NFIB: variants seen among roughly 807,000 people sequenced by gnomAD.
The protein encoded by NFIB is nuclear factor I B.
In NFIB, 11 loss-of-function variants were observed where a neutral mutation model predicts 61.5. That is an observed-to-expected ratio of 0.18 (90% CI 0.11 to 0.30). NFIB has a LOEUF of 0.30. Among genes scored for constraint, NFIB ranks in the 10% least tolerant of loss-of-function variants. NFIB has a pLI of 1.00. For synonymous variants in NFIB, 260 were observed against 216.5 expected, an observed-to-expected ratio of 1.20 and a Z score of -1.76; for missense variants, 471 against 608.9, an observed-to-expected ratio of 0.77 and a Z score of 2.38.
chr9:14,267,349 C>T (rs997099386), intron 2 of NFIB, among the ~76,000 whole-genome samples: 5 of 152,148 alleles, frequency 3.3e-5, no homozygotes, highest in Non-Finnish European at 5.9e-5. Context: ...CAAAATGCTT[C>T]TTATAGATAG....
the NFIB span, among the ~76,000 whole-genome samples, chr9:14,471,532 T>C: frequency 1.3e-5 from 2 of 152,248 alleles, no homozygotes; most frequent in Non-Finnish European, 2.9e-5. Context: ...ACCAAGTTAG[T>C]AGAAGACTGC....
intron 2 of NFIB, among the ~76,000 whole-genome samples, chr9:14,236,801 G>A (rs1296616416): frequency 6.6e-6 from 1 of 151,736 alleles, no homozygotes; most frequent in East Asian, 1.9e-4. Flanking sequence ...GTAAACACAT[G>A]CTGATTAGCA....
intron 2 of NFIB, among the ~76,000 whole-genome samples, chr9:14,229,485 A>G (rs2052852979): frequency 1.3e-5 from 2 of 152,238 alleles, no homozygotes; most frequent in African/African-American, 2.4e-5. Context: ...TGGAATTAAA[A>G]AGGCCTGGCT....
chr9:14,306,498 T>C (rs1480035071), intron 2 of NFIB, among the ~76,000 whole-genome samples: 1 of 152,210 alleles, frequency 6.6e-6, no homozygotes, highest in Admixed American at 6.5e-5. Context: ...ACATTAGTTC[T>C]ATTTTCAGTG....
At chr9:14,308,893 T>C (rs1417695213) in intron 1 of NFIB, among the ~76,000 whole-genome samples, 3 of 152,218 alleles carry the variant, frequency 2.0e-5, no homozygotes, top group African/African-American at 7.2e-5. Context: ...GTCAGTTTCG[T>C]TACTTCCTGA....
At chr9:14,224,277 C>T (rs566434151) in intron 2 of NFIB, among the ~76,000 whole-genome samples, 294 of 152,316 alleles carry the variant, frequency 1.9e-3, no homozygotes, top group Non-Finnish European at 3.2e-3. Flanking sequence ...TCAGTTTCCA[C>T]ATGATGTTCT....
chr9:14,507,672 T>C, the NFIB span, among the ~76,000 whole-genome samples: 90 of 152,316 alleles, frequency 5.9e-4, no homozygotes, highest in African/African-American at 2.0e-3. Context: ...ATCTTCTCCA[T>C]GCCTAAATAG....
intron 2 of NFIB, among the ~76,000 whole-genome samples, chr9:14,269,328 A>T (rs2057435553): frequency 6.6e-6 from 1 of 152,128 alleles, no homozygotes; most frequent in African/African-American, 2.4e-5. Context: ...TTTTTTTAAC[A>T]TTACAGAAGA....
intron 1 of NFIB, among the ~76,000 whole-genome samples, chr9:14,344,781 TCCG>T (rs756870103): frequency 2.1e-3 from 263 of 126,410 alleles, no homozygotes; most frequent in Non-Finnish European, 2.7e-3. Context: ...AGAAAAAAAA[TCCG>T]TAACTACAAA....
intron 1 of NFIB, among the ~76,000 whole-genome samples, chr9:14,384,715 A>G (rs887528058): frequency 2.0e-5 from 3 of 152,164 alleles, no homozygotes; most frequent in African/African-American, 7.2e-5. Flanking sequence ...GTAATCCCAT[A>G]CCATCATTCA....
chr9:14,374,874 C>T (rs1217307966), intron 1 of NFIB, among the ~76,000 whole-genome samples: 1 of 152,102 alleles, frequency 6.6e-6, no homozygotes, highest in Non-Finnish European at 1.5e-5. Context: ...TGCGCCACTG[C>T]ACTCCAGCCT....
chr9:14,422,103 G>C, the NFIB span, among the ~76,000 whole-genome samples: 1 of 152,134 alleles, frequency 6.6e-6, no homozygotes, highest in Non-Finnish European at 1.5e-5. Flanking sequence ...CAGTTAGTGA[G>C]AAAAAGACAT....
At chr9:14,398,561 A>G (rs1406227441) in exon 1 of NFIB, 2 of 1,535,324 alleles carry the variant, frequency 1.3e-6, no homozygotes, top group Non-Finnish European at 1.7e-6. Context: ...TCTTTTAGGA[A>G]TCCCAGGGTT....
intron 10 of NFIB, among the ~76,000 whole-genome samples, chr9:14,110,859 T>A (rs2037245963): frequency 6.6e-6 from 1 of 152,122 alleles, no homozygotes; most frequent in Non-Finnish European, 1.5e-5. Flanking sequence ...AAACTGGAGT[T>A]CATTATAAAA....
chr9:14,370,435 G>A (rs2061346218), intron 1 of NFIB, among the ~76,000 whole-genome samples: 1 of 152,160 alleles, frequency 6.6e-6, no homozygotes, highest in Admixed American at 6.5e-5. Context: ...AAAATTAAAG[G>A]AATAAGAGTG....
At chr9:14,256,144 TC>T (rs2056201368) in intron 2 of NFIB, among the ~76,000 whole-genome samples, 1 of 152,184 alleles carries the variant, frequency 6.6e-6, no homozygotes, top group Admixed American at 6.5e-5. Context: ...ACCCACTTTT[TC>T]TAGAAGCCTC....
rs139858065 is a variant in NFIB, at chr9:14,219,980, A to C, written c.563-40200T>G. Among the ~76,000 whole-genome samples the C allele has an allele frequency of 2.4e-3, 364 of 152,300 alleles. 8 individuals carry two copies. Among genetic ancestry groups the C allele is most frequent in the Admixed American group, 0.015 (227 of 15,296 alleles). ...GAGAGGATGGAACTACACCAAAAAA[A>C]CTTTTCCAACTCCAGTCTTGGGAGC... On this transcript the variant is annotated intron_variant, in intron 2 of 10. Coordinates refer to ENST00000380953, the MANE Select transcript of NFIB (RefSeq NM_001190737.2).
At chr9:14,384,962 C>T (rs1027810962) in intron 1 of NFIB, among the ~76,000 whole-genome samples, 2 of 152,294 alleles carry the variant, frequency 1.3e-5, no homozygotes, top group Non-Finnish European at 2.9e-5. Context: ...CTCTCCAAAG[C>T]CAGTTCACAT....
At chr9:14,267,048 A>G (rs1489799931) in intron 2 of NFIB, among the ~76,000 whole-genome samples, 1 of 152,198 alleles carries the variant, frequency 6.6e-6, no homozygotes, top group Non-Finnish European at 1.5e-5. Context: ...TACAGGGAAA[A>G]GAAGAAAACT....
Sources: gnomAD v4.1 joint callset for allele counts (sites outside exome capture counted in the v4.1 genomes callset) on GRCh38, gnomAD v4.1.1 for gene constraint, MANE v1.5 for transcripts, NCBI Gene and HGNC (gene_info 2026-07-23, HGNC 2026-07-21) for gene names.